KCNH7: variants seen among roughly 807,000 people sequenced by gnomAD.
The protein encoded by KCNH7 is voltage-gated inwardly rectifying potassium channel KCNH7.
In KCNH7, 49 loss-of-function variants were observed where a neutral mutation model predicts 120.8. That is an observed-to-expected ratio of 0.41 (90% confidence interval 0.32 to 0.51). The LOEUF (loss-of-function observed/expected upper bound fraction) is 0.51, where lower values mean the gene tolerates loss of function less well. KCNH7 is among the 20% of genes least tolerant of loss of function. KCNH7 has a pLI of 0.38. For synonymous variants in KCNH7, 547 were observed against 516.1 expected, an observed-to-expected ratio of 1.06 and a Z score of -0.81; for missense variants, 1,097 against 1,446.6, an observed-to-expected ratio of 0.76 and a Z score of 3.92.
At chr2:162,612,448 A>G (rs569509734) in intron 2 of KCNH7, among the ~76,000 whole-genome samples, 2 of 152,292 alleles carry the variant, frequency 1.3e-5, no homozygotes, top group African/African-American at 4.8e-5. Context: ...ACAAAGGATT[A>G]GCCTATATTC....
At chr2:162,534,545 A>G (rs1315618543) in intron 3 of KCNH7, among the ~76,000 whole-genome samples, 1 of 151,668 alleles carries the variant, frequency 6.6e-6, no homozygotes, top group Non-Finnish European at 1.5e-5. Flanking sequence ...GCAAAACTGA[A>G]ACTAGTTAAG....
At chr2:162,587,630 T>C (rs1694061404) in intron 2 of KCNH7, among the ~76,000 whole-genome samples, 1 of 152,106 alleles carries the variant, frequency 6.6e-6, no homozygotes, top group South Asian at 2.1e-4. Flanking sequence ...CTGTGTTTTA[T>C]GAGTCTATTT....
intron 6 of KCNH7, among the ~76,000 whole-genome samples, chr2:162,498,976 T>A (rs553759833): frequency 6.6e-6 from 1 of 152,092 alleles, no homozygotes; most frequent in African/African-American, 2.4e-5. Flanking sequence ...GTGGTTTGAG[T>A]TGGATTTCTG....
At chr2:162,451,562 T>A (rs1051627829) in intron 6 of KCNH7, among the ~76,000 whole-genome samples, 1 of 151,890 alleles carries the variant, frequency 6.6e-6, no homozygotes, top group Admixed American at 6.6e-5. Flanking sequence ...GGTAATTCAG[T>A]GATGTTTAGT....
At chr2:162,483,180 C>T (rs985622) in intron 6 of KCNH7, among the ~76,000 whole-genome samples, 2,203 of 152,106 alleles carry the variant, frequency 0.014, 63 homozygotes, top group African/African-American at 0.049. Context: ...ATTTAATATT[C>T]CATATGGTTG....
intron 9 of KCNH7, among the ~76,000 whole-genome samples, chr2:162,414,648 A>G (rs1395449860): frequency 1.3e-5 from 2 of 151,976 alleles, no homozygotes; most frequent in Non-Finnish European, 2.9e-5. Flanking sequence ...TATACATGCA[A>G]ATATAAGTAT....
intron 7 of KCNH7, among the ~76,000 whole-genome samples, chr2:162,440,290 A>G (rs1688379753): frequency 6.6e-6 from 1 of 151,980 alleles, no homozygotes; most frequent in Admixed American, 6.6e-5. Flanking sequence ...TGCAGGGTTG[A>G]TAGAATGAAT....
chr2:162,376,321 T>C (rs1358184178), intron 14 of KCNH7, among the ~76,000 whole-genome samples: 1 of 151,500 alleles, frequency 6.6e-6, no homozygotes. Context: ...GAATCATTAC[T>C]AACAATTTTT....
chr2:162,800,608 T>TATG (rs1684307899), intron 2 of KCNH7, among the ~76,000 whole-genome samples: 1 of 151,944 alleles, frequency 6.6e-6, no homozygotes, highest in Non-Finnish European at 1.5e-5. Context: ...TACCCACTCA[T>TATG]ATGATGCATG....
intron 2 of KCNH7, among the ~76,000 whole-genome samples, chr2:162,633,804 G>A (rs1409188218): frequency 6.6e-6 from 1 of 151,892 alleles, no homozygotes; most frequent in Non-Finnish European, 1.5e-5. Context: ...ATACTTGATA[G>A]GGCAATCTTT....
At chr2:162,762,812 T>C (rs1689013074) in intron 2 of KCNH7, among the ~76,000 whole-genome samples, 1 of 152,070 alleles carries the variant, frequency 6.6e-6, no homozygotes, top group South Asian at 2.1e-4. Flanking sequence ...ATAATGTAAA[T>C]ATGCTTAGGA....
chr2:162,626,222 G>A (rs1683553482), intron 2 of KCNH7, among the ~76,000 whole-genome samples: 1 of 152,186 alleles, frequency 6.6e-6, no homozygotes, highest in African/African-American at 2.4e-5. Context: ...CAGCAAACAG[G>A]CGATTTGTTA....
chr2:162,724,500 G>A (rs1047713699), intron 2 of KCNH7, among the ~76,000 whole-genome samples: 2 of 151,046 alleles, frequency 1.3e-5, no homozygotes, highest in Non-Finnish European at 2.9e-5. Context: ...GTGAAACCCC[G>A]TCTCTACTAA....
At chr2:162,424,628 C>A (rs907319002) in intron 8 of KCNH7, among the ~76,000 whole-genome samples, 8 of 152,120 alleles carry the variant, frequency 5.3e-5, no homozygotes, top group Non-Finnish European at 1.0e-4. Context: ...TAAACAATTG[C>A]TTCTATAATC....
chr2:162,742,227 G>A (rs1688162538), intron 2 of KCNH7, among the ~76,000 whole-genome samples: 1 of 152,054 alleles, frequency 6.6e-6, no homozygotes, highest in Admixed American at 6.5e-5. Flanking sequence ...CTAGAGCAAT[G>A]GGTGTCATAA....
At position 162,787,873 on chromosome 2, in the gene KCNH7, T is replaced by C. The variant is rs147366518; in HGVS notation, c.307+48664A>G. 4.0e-3 allele frequency among the ~76,000 whole-genome samples: 602 copies of C among 152,282 alleles called. 22 individuals carry two copies. The East Asian group carries it at 0.1, about 26-fold the overall frequency. On this transcript the variant is annotated intron_variant, in intron 2 of 15. Coordinates refer to ENST00000332142, the MANE Select transcript of KCNH7 (RefSeq NM_033272.4). ...AGTGAACCAAGGCTCCAGGCCCACGTGCTTGCTGACCTTGGCACCAGGCCA... is the reference window on the plus strand; with the variant it reads ...AGTGAACCAAGGCTCCAGGCCCACGCGCTTGCTGACCTTGGCACCAGGCCA...
chr2:162,661,090 A>C (rs1396845122), intron 2 of KCNH7, among the ~76,000 whole-genome samples: 1 of 152,236 alleles, frequency 6.6e-6, no homozygotes, highest in Non-Finnish European at 1.5e-5. Flanking sequence ...AATGTTTTGA[A>C]GAATGATACA....
At chr2:162,520,816 C>T (rs1691497732) in intron 3 of KCNH7, among the ~76,000 whole-genome samples, 1 of 151,668 alleles carries the variant, frequency 6.6e-6, no homozygotes, top group African/African-American at 2.4e-5. Flanking sequence ...TTGCACAATT[C>T]CACCCTTCCC....
chr2:162,697,896 G>T (rs1473441078), intron 2 of KCNH7, among the ~76,000 whole-genome samples: 3 of 151,820 alleles, frequency 2.0e-5, no homozygotes, highest in Non-Finnish European at 4.4e-5. Flanking sequence ...AAAAAAAACT[G>T]CATGTTATTT....
Sources: allele counts gnomAD v4.1 joint callset (sites outside exome capture counted in the v4.1 genomes callset), GRCh38; gene constraint gnomAD v4.1.1; transcripts MANE v1.5; gene names NCBI Gene and HGNC (gene_info 2026-07-23, HGNC 2026-07-21).